The following EID3 variants were observed in gnomAD, a reference collection of about 807,000 sequenced individuals.
EID3 encodes EP300 interacting inhibitor of differentiation 3.
A neutral mutation model predicts 1.6 loss-of-function variants in EID3; 3 were observed. That is an observed-to-expected ratio of 1.87 (90% confidence interval 0.85 to 4.83). The LOEUF (loss-of-function observed/expected upper bound fraction) is 4.83. Among genes scored for constraint, EID3 ranks in the 30% most tolerant of loss-of-function variants. EID3 has a pLI of 0.02. For synonymous variants in EID3, 164 were observed against 148.1 expected (o/e 1.11, Z -0.78); for missense variants, 471 against 409.9 (o/e 1.15, Z -1.29).
rs761125074 is a variant in EID3 at position 104,304,927 on chromosome 12, C to G, written c.993C>G (p.Ser331=). 6.3e-7 allele frequency: 1 copy of G among 1,588,716 alleles called. No individual in the cohort carries two copies. Residue 331 remains serine (S), a synonymous_variant, in exon 1 of 1, where the codon TCC becomes TCG. Coordinates refer to ENST00000527879, the MANE Select transcript of EID3 (RefSeq NM_001008394.3). ...FEISEAMITY[S]SY is the part of the protein sequence containing the mutation. ...TTTCTGAGGCTATGATTACATACTCCTCATACTAAAGATTTCTTAGTATAG... is the reference window on the plus strand; with the variant it reads ...TTTCTGAGGCTATGATTACATACTCGTCATACTAAAGATTTCTTAGTATAG...
rs530761622 is a variant in EID3 at position 104,304,073 on chromosome 12, C to G, written c.139C>G (p.Leu47Val). The G allele has an allele frequency of 6.2e-7, 1 of 1,613,922 alleles. No homozygotes were observed. The highest frequency in any genetic ancestry group is 8.5e-7 in the Non-Finnish European group (1 of 1,179,898). ...CRSIRRQYRQLMYCVRQNRED... is the reference protein window; with the variant it reads ...CRSIRRQYRQVMYCVRQNRED... Reference sequence around the variant, plus strand: ...CAGCATCCGCAGGCAGTACCGGCAGCTCATGTACTGCGTGCGGCAGAACCG... The same window carrying G: ...CAGCATCCGCAGGCAGTACCGGCAGGTCATGTACTGCGTGCGGCAGAACCG... Residue 47 changes from leucine to valine, a missense_variant, in exon 1 of 1, where the codon CTC becomes GTC. By Grantham distance (32) the Leu-to-Val change is conservative. Transcript: ENST00000527879.
In EID3 at chr12:104,304,498, C is replaced by T. The variant is rs1326933059; in HGVS notation, c.564C>T (p.His188=). 1 of 1,613,908 alleles carries T rather than the reference C, an allele frequency of 6.2e-7. No individual in the cohort carries two copies. The highest frequency in any genetic ancestry group is 1.1e-5 in the South Asian group (1 of 91,082). The change falls in exon 1 of 1, where the codon CAC becomes CAT. Residue 188 remains histidine (H), a synonymous_variant. Coordinates refer to ENST00000527879, the MANE Select transcript of EID3 (RefSeq NM_001008394.3). ...CTGCACCAAAGCCCCGACTTGAACACCAGAAAAAAGTTCGCAAGATGGAAG... is the reference window on the plus strand; with the variant it reads ...CTGCACCAAAGCCCCGACTTGAACATCAGAAAAAAGTTCGCAAGATGGAAG... ...ERSAPKPRLE[H]QKKVRKMEEN...
Position 104,304,145 on chromosome 12 carries a change from G to A in EID3, c.211G>A (p.Glu71Lys). The A allele has an allele frequency of 6.2e-7, 1 of 1,614,082 alleles. No homozygotes were observed. The highest frequency in any genetic ancestry group is 8.5e-7 in the Non-Finnish European group (1 of 1,179,906). The change falls in exon 1 of 1, where the codon GAG becomes AAG. Residue 71 changes from glutamate (E) to lysine (K), a missense_variant. Physicochemically the swap from Glu to Lys is moderately conservative, Grantham distance 56. Coordinates refer to ENST00000527879, the MANE Select transcript of EID3 (RefSeq NM_001008394.3). ...GAACAACTCCTTAACCGAGGCTCTG[G>A]AGGAAGCCAACGTCCTCTTTGATGG... ...SANNSLTEAL[E>K]EANVLFDGVS...
In EID3 at chr12:104,303,799, C is replaced by T. The variant is rs555448082; in HGVS notation, c.-136C>T. On this transcript the variant is annotated 5_prime_UTR_variant, in exon 1 of 1. Transcript: ENST00000527879. ...TTCCACACGCTGGGAGGGCCGTTAC[C>T]TCAGAGATACCCGTGGCCGGCATGT... is the stretch of plus-strand genomic sequence containing the variant. 1.7e-5 allele frequency: 23 copies of T among 1,363,204 alleles called. No individual in the cohort carries two copies. The Admixed American group carries it at 4.9e-4, about 29-fold the overall frequency. 84.4% of individuals were successfully genotyped at this position (1,363,204 alleles called of 1,614,324 possible).
In EID3 at chr12:104,304,473, C is replaced by G; in HGVS notation, c.539C>G (p.Ser180Cys). 1 of 1,613,972 alleles carries G rather than the reference C, an allele frequency of 6.2e-7. No individual in the cohort carries two copies. ...FVFGSFKLER[S>C]APKPRLEHQK... The stretch of plus-strand genomic sequence containing the variant: ...TTTGGTTCATTCAAGCTAGAACGTT[C>G]TGCACCAAAGCCCCGACTTGAACAC... The change falls in exon 1 of 1, where the codon TCT (serine) becomes TGT (cysteine). Residue 180 changes from serine (S) to cysteine (C), a missense_variant. Ser to Cys is a moderately radical substitution (Grantham distance 112). Coordinates refer to ENST00000527879, the MANE Select transcript of EID3 (RefSeq NM_001008394.3).
Position 104,304,345 on chromosome 12 carries a change from CAAGTT to C in EID3, c.412_416del (p.Lys138GlufsTer2), listed in dbSNP as rs2034790488. On this transcript the variant is annotated frameshift_variant, in exon 1 of 1. Coordinates refer to ENST00000527879, the MANE Select transcript of EID3 (RefSeq NM_001008394.3). LOFTEE classifies it low-confidence loss of function (END_TRUNC). ...TGAATTGGATGGAAGGCGATCCTGACAAGTTGAGTGATTGTGATGATAGCATAGCT... is the reference window on the plus strand; with the variant it reads ...TGAATTGGATGGAAGGCGATCCTGACGAGTGATTGTGATGATAGCATAGCT... The C allele has an allele frequency of 2.5e-6, 4 of 1,614,020 alleles. No homozygotes were observed. Among genetic ancestry groups the C allele is most frequent in the Non-Finnish European group, 3.4e-6 (4 of 1,179,904 alleles).
rs765746560 is a variant in EID3, at chr12:104,303,976, C to G, written c.42C>G (p.Asp14Glu). The change falls in exon 1 of 1, where the codon GAC becomes GAG. Residue 14 changes from aspartate to glutamate, a missense_variant. By Grantham distance (45) the Asp-to-Glu change is conservative. Coordinates refer to ENST00000527879, the MANE Select transcript of EID3 (RefSeq NM_001008394.3). Reference sequence around the variant, plus strand: ...CAGTGAGGGCCGCGGGCTGCTCCGACGACCTCAGCTCTGGGGAGGCCGACG... The same window carrying G: ...CAGTGAGGGCCGCGGGCTGCTCCGAGGACCTCAGCTCTGGGGAGGCCGACG... ...DVSVRAAGCS[D>E]DLSSGEADVD... The G allele has an allele frequency of 1.0e-5, 16 of 1,606,036 alleles. No individual in the cohort carries two copies. The highest frequency in any genetic ancestry group is 1.4e-5 in the Non-Finnish European group (16 of 1,179,438).
chr12:104,304,489 A>G lies in EID3; in HGVS notation c.555A>G (p.Arg185=), dbSNP rs1385804404. Residue 185 remains arginine (R), a synonymous_variant, in exon 1 of 1, where the codon CGA becomes CGG. Transcript: ENST00000527879. ...TAGAACGTTCTGCACCAAAGCCCCG[A>G]CTTGAACACCAGAAAAAAGTTCGCA... ...FKLERSAPKP[R]LEHQKKVRKM... is the part of the protein sequence containing the mutation. 2.5e-6 allele frequency: 4 copies of G among 1,614,010 alleles called. No individual in the cohort carries two copies. The highest frequency in any genetic ancestry group is 3.4e-6 in the Non-Finnish European group (4 of 1,179,898).
Position 104,303,921 on chromosome 12 carries a change from C to A in EID3, c.-14C>A. 6.4e-7 allele frequency: 1 copy of A among 1,569,686 alleles called. No homozygotes were observed. Among genetic ancestry groups the A allele is most frequent in the Non-Finnish European group, 8.6e-7 (1 of 1,162,896 alleles). On this transcript the variant is annotated 5_prime_UTR_variant, in exon 1 of 1. Coordinates refer to ENST00000527879, the MANE Select transcript of EID3 (RefSeq NM_001008394.3). The stretch of plus-strand genomic sequence containing the variant: ...GAGTACGCGGCGAAGTAGGCGGCGG[C>A]GGAGGGAGCGCTGATGAAGATGGAT...
rs758201934 is a variant in EID3 at position 104,304,826 on chromosome 12, A to G, written c.892A>G (p.Ser298Gly). The G allele has an allele frequency of 6.2e-7, 1 of 1,614,038 alleles. No individual in the cohort carries two copies. The highest frequency in any genetic ancestry group is 1.1e-5 in the South Asian group (1 of 91,086). Residue 298 changes from serine (S) to glycine (G), a missense_variant, in exon 1 of 1, where the codon AGT (serine) becomes GGT (glycine). Physicochemically the swap from Ser to Gly is moderately conservative, Grantham distance 56. Coordinates refer to ENST00000527879, the MANE Select transcript of EID3 (RefSeq NM_001008394.3). ...VNQMGEGNDS[S>G]CHGRKQGVIS... ...CCAAATGGGTGAGGGAAATGATTCC[A>G]GTTGCCATGGCAGGAAACAGGGAGT... is the stretch of plus-strand genomic sequence containing the variant.
chr12:104,304,438 C>G lies in EID3; in HGVS notation c.504C>G (p.Phe168Leu). Reference protein sequence around the residue: ...ATSWMVKAETFHFVFGSFKLE... With the variant: ...ATSWMVKAETLHFVFGSFKLE... Reference sequence around the variant, plus strand: ...CCTGGATGGTAAAAGCTGAGACATTCCATTTTGTTTTTGGTTCATTCAAGC... The same window carrying G: ...CCTGGATGGTAAAAGCTGAGACATTGCATTTTGTTTTTGGTTCATTCAAGC... Residue 168 changes from phenylalanine (F) to leucine (L), a missense_variant, in exon 1 of 1, where the codon TTC becomes TTG. Physicochemically the swap from Phe to Leu is conservative, Grantham distance 22 (BLOSUM62 0). Transcript: ENST00000527879. 6.2e-7 allele frequency: 1 copy of G among 1,613,986 alleles called. No homozygotes were observed. The highest frequency in any genetic ancestry group is 8.5e-7 in the Non-Finnish European group (1 of 1,179,890).
In EID3 at chr12:104,304,156, C is replaced by A; in HGVS notation, c.222C>A (p.Asn74Lys). 1 of 1,614,090 alleles carries A rather than the reference C, an allele frequency of 6.2e-7. No individual in the cohort carries two copies. The highest frequency in any genetic ancestry group is 8.5e-7 in the Non-Finnish European group (1 of 1,179,908). Residue 74 changes from asparagine to lysine, a missense_variant, in exon 1 of 1, where the codon AAC (asparagine) becomes AAA (lysine). Transcript: ENST00000527879. Reference sequence around the variant, plus strand: ...TAACCGAGGCTCTGGAGGAAGCCAACGTCCTCTTTGATGGCGTGAGCCGAA... The same window carrying A: ...TAACCGAGGCTCTGGAGGAAGCCAAAGTCCTCTTTGATGGCGTGAGCCGAA... ...NSLTEALEEA[N>K]VLFDGVSRTR...
Position 104,304,083 on chromosome 12 carries a change from G to A in EID3, c.149G>A (p.Cys50Tyr), listed in dbSNP as rs1295501844. Residue 50 changes from cysteine (C) to tyrosine (Y), a missense_variant, in exon 1 of 1, where the codon TGC becomes TAC. Coordinates refer to ENST00000527879, the MANE Select transcript of EID3 (RefSeq NM_001008394.3). ...IRRQYRQLMY[C>Y]VRQNREDIVS... ...AGGCAGTACCGGCAGCTCATGTACT[G>A]CGTGCGGCAGAACCGGGAGGACATC... 6.2e-7 allele frequency: 1 copy of A among 1,613,980 alleles called. No homozygotes were observed. Among genetic ancestry groups the A allele is most frequent in the Non-Finnish European group, 8.5e-7 (1 of 1,179,900 alleles).
Position 104,303,794 on chromosome 12 carries a change from G to A in EID3, c.-141G>A, listed in dbSNP as rs535508296. The A allele has an allele frequency of 9.9e-5, 131 of 1,326,602 alleles. 1 individual carries two copies. The South Asian group carries it at 1.9e-3, about 20-fold the overall frequency. The allele number at this position is 1,326,602 out of a possible 1,614,324, so 82.2% of individuals were successfully genotyped here. ...CCACTTTCCACACGCTGGGAGGGCCGTTACCTCAGAGATACCCGTGGCCGG... is the reference window on the plus strand; with the variant it reads ...CCACTTTCCACACGCTGGGAGGGCCATTACCTCAGAGATACCCGTGGCCGG... On this transcript the variant is annotated 5_prime_UTR_variant, in exon 1 of 1. Transcript: ENST00000527879.
Position 104,304,685 on chromosome 12 carries a change from T to A in EID3, c.751T>A (p.Ser251Thr). The A allele has an allele frequency of 6.2e-7, 1 of 1,614,026 alleles. No individual in the cohort carries two copies. The highest frequency in any genetic ancestry group is 8.5e-7 in the Non-Finnish European group (1 of 1,179,898). The change falls in exon 1 of 1, where the codon TCT (serine) becomes ACT (threonine). Residue 251 changes from serine (S) to threonine (T), a missense_variant. Ser to Thr is a moderately conservative substitution (Grantham distance 58). Coordinates refer to ENST00000527879, the MANE Select transcript of EID3 (RefSeq NM_001008394.3). ...SYFEFVIDPNSFSRTVENIFY... is the reference protein window; with the variant it reads ...SYFEFVIDPNTFSRTVENIFY... ...TTTTGAGTTTGTGATTGATCCAAAC[T>A]CTTTTTCTCGTACTGTGGAGAATAT...
In EID3 at chr12:104,303,862, A is replaced by G. The variant is rs2034754063; in HGVS notation, c.-73A>G. The stretch of plus-strand genomic sequence containing the variant: ...CTTCCCGGAAGGGAGACGAAGAGAA[A>G]GGAGAGGAGCAGCTCGTGATCATCC... On this transcript the variant is annotated 5_prime_UTR_variant, in exon 1 of 1. Coordinates refer to ENST00000527879, the MANE Select transcript of EID3 (RefSeq NM_001008394.3). The G allele has an allele frequency of 1.4e-6, 2 of 1,460,904 alleles. No homozygotes were observed. The highest frequency in any genetic ancestry group is 1.4e-5 in the South Asian group (1 of 70,838). 90.5% of individuals were successfully genotyped at this position (1,460,904 alleles called of 1,614,324 possible).
In EID3 at chr12:104,304,509, TTCGCAAGA is replaced by T; in HGVS notation, c.577_584del (p.Arg193GlyfsTer17). 6.2e-7 allele frequency: 1 copy of T among 1,613,984 alleles called. No individual in the cohort carries two copies. The highest frequency in any genetic ancestry group is 1.7e-5 in the Admixed American group (1 of 60,008). On this transcript the variant is annotated frameshift_variant, in exon 1 of 1. Coordinates refer to ENST00000527879, the MANE Select transcript of EID3 (RefSeq NM_001008394.3). LOFTEE classifies it low-confidence loss of function (END_TRUNC). ...CCCCGACTTGAACACCAGAAAAAAG[TTCGCAAGA>T]TGGAAGAAAATGGCAACATGCCTAC...
chr12:104,304,812 A>G lies in EID3; in HGVS notation c.878A>G (p.Glu293Gly), dbSNP rs756927289. The G allele has an allele frequency of 5.0e-6, 8 of 1,613,922 alleles. No individual in the cohort carries two copies. The African/African-American group carries it at 1.1e-4, about 22-fold the overall frequency. The change falls in exon 1 of 1, where the codon GAG becomes GGG. Residue 293 changes from glutamate (E) to glycine (G), a missense_variant. Glu to Gly is a moderately conservative substitution (Grantham distance 98, BLOSUM62 -2). Transcript: ENST00000527879. ...LEPMNVNQMG[E>G]GNDSSCHGRK... ...CCGATGAATGTTAACCAAATGGGTG[A>G]GGGAAATGATTCCAGTTGCCATGGC...
Position 104,304,137 on chromosome 12 carries a change from A to C in EID3, c.203A>C (p.Glu68Ala). The part of the protein sequence containing the change: ...IVSSANNSLT[E>A]ALEEANVLFD... ...AGCTCGGCGAACAACTCCTTAACCG[A>C]GGCTCTGGAGGAAGCCAACGTCCTC... Residue 68 changes from glutamate to alanine, a missense_variant, in exon 1 of 1, where the codon GAG becomes GCG. By Grantham distance (107) the Glu-to-Ala change is moderately radical. Coordinates refer to ENST00000527879, the MANE Select transcript of EID3 (RefSeq NM_001008394.3). 6.2e-7 allele frequency: 1 copy of C among 1,614,054 alleles called. No individual in the cohort carries two copies. The highest frequency in any genetic ancestry group is 8.5e-7 in the Non-Finnish European group (1 of 1,179,900).
Sources: allele counts gnomAD v4.1 joint callset, GRCh38; gene constraint gnomAD v4.1.1; transcripts MANE v1.5; gene names NCBI Gene and HGNC (gene_info 2026-07-23, HGNC 2026-07-21).